Variants in DRC8 observed in about 807,000 individuals in gnomAD.
The protein encoded by DRC8 is dynein regulatory complex subunit 8.
the DRC8 span, among the ~76,000 whole-genome samples, chr1:245,012,900 T>C: frequency 1.3e-5 from 2 of 152,154 alleles, no homozygotes; most frequent in African/African-American, 2.4e-5. Context: ...AAGAGGCTAA[T>C]AGAGTGGCAA....
chr1:245,060,644 T>C, the DRC8 span, among the ~76,000 whole-genome samples: 1 of 152,030 alleles, frequency 6.6e-6, no homozygotes, highest in Non-Finnish European at 1.5e-5. Context: ...CTGGAATTAG[T>C]GTTAGGGAAA....
chr1:245,041,890 G>T, the DRC8 span, among the ~76,000 whole-genome samples: 1 of 152,146 alleles, frequency 6.6e-6, no homozygotes, highest in Non-Finnish European at 1.5e-5. Context: ...CCCAGAAGCA[G>T]CCGACCTGCT....
the DRC8 span, among the ~76,000 whole-genome samples, chr1:244,986,074 G>T: frequency 1.3e-5 from 2 of 151,406 alleles, no homozygotes; most frequent in Admixed American, 1.3e-4. Context: ...TTATGCCTCA[G>T]CCTCCCGAGT....
chr1:245,080,441 C>T, the DRC8 span, among the ~76,000 whole-genome samples: 2 of 152,160 alleles, frequency 1.3e-5, no homozygotes, highest in South Asian at 4.1e-4. Context: ...CATATAGGTA[C>T]TTAATACGTA....
At chr1:245,041,837 A>AG in the DRC8 span, among the ~76,000 whole-genome samples, 6 of 152,236 alleles carry the variant, frequency 3.9e-5, no homozygotes, top group Non-Finnish European at 8.8e-5. Context: ...TGACCAGGTG[A>AG]GGGCACAGGG....
chr1:245,100,199 A>T, the DRC8 span, among the ~76,000 whole-genome samples: 1 of 152,114 alleles, frequency 6.6e-6, no homozygotes, highest in African/African-American at 2.4e-5. Context: ...AGCCTGACCA[A>T]TATGGTGAAA....
At chr1:245,069,880 A>G in the DRC8 span, among the ~76,000 whole-genome samples, 13 of 151,900 alleles carry the variant, frequency 8.6e-5, no homozygotes, top group Admixed American at 2.0e-4. Flanking sequence ...TGTCTCTACA[A>G]AAAAATTTTT....
chr1:244,970,157 G>C, the DRC8 span: 2 of 685,920 alleles, frequency 2.9e-6, no homozygotes, highest in South Asian at 1.6e-5. Context: ...CTCCGGCCTC[G>C]GGTCTGGAGG....
At chr1:245,045,238 G>A in the DRC8 span, among the ~76,000 whole-genome samples, 3 of 151,866 alleles carry the variant, frequency 2.0e-5, no homozygotes, top group Non-Finnish European at 4.4e-5. Flanking sequence ...TTGAACTCCT[G>A]GACACAGGTG....
the DRC8 span, among the ~76,000 whole-genome samples, chr1:245,115,979 C>G: frequency 6.6e-6 from 1 of 151,606 alleles, no homozygotes; most frequent in Non-Finnish European, 1.5e-5. Flanking sequence ...CTCTGCCTCC[C>G]GGGTTCAAGC....
chr1:244,975,227 G>T, the DRC8 span, among the ~76,000 whole-genome samples: 1 of 152,114 alleles, frequency 6.6e-6, no homozygotes, highest in Non-Finnish European at 1.5e-5. Flanking sequence ...ACCACGCCTG[G>T]CTCGAACTCT....
the DRC8 span, among the ~76,000 whole-genome samples, chr1:245,029,103 G>A: frequency 3.3e-5 from 5 of 152,334 alleles, no homozygotes; most frequent in Admixed American, 1.3e-4. Flanking sequence ...AAGGGCATGG[G>A]GTCGGTCCTA....
chr1:245,002,307 C>T, the DRC8 span: 1 of 1,260,932 alleles, frequency 7.9e-7, no homozygotes, highest in East Asian at 2.5e-5. Flanking sequence ...GCCTTGCTTC[C>T]TTCCAGTTAA....
the DRC8 span, among the ~76,000 whole-genome samples, chr1:245,013,896 G>A: frequency 1.3e-5 from 2 of 151,902 alleles, no homozygotes; most frequent in African/African-American, 4.8e-5. Flanking sequence ...CTTGGCGGTA[G>A]TGGTGCACAC....
chr1:244,970,669 GCCCCGCCCCGCCTCTCTCCCC>G, the DRC8 span: 70 of 352,322 alleles, frequency 2.0e-4, no homozygotes, highest in East Asian at 1.2e-3. Flanking sequence ...TCTCTCCCCC[GCCCCGCCCCGCCTCTCTCCCC>G]TCTTCCCTCC....
chr1:245,017,579 T>C, the DRC8 span, among the ~76,000 whole-genome samples: 1 of 152,190 alleles, frequency 6.6e-6, no homozygotes, highest in African/African-American at 2.4e-5. Flanking sequence ...GTAAACTCTG[T>C]GACTGAGATG....
chr1:245,118,063 T>C, the DRC8 span, among the ~76,000 whole-genome samples: 2 of 152,154 alleles, frequency 1.3e-5, no homozygotes, highest in Admixed American at 1.3e-4. Context: ...TACCTGAGAA[T>C]TCCATTACTC....
At chr1:245,028,396 A>C in the DRC8 span, among the ~76,000 whole-genome samples, 2 of 152,210 alleles carry the variant, frequency 1.3e-5, no homozygotes, top group African/African-American at 4.8e-5. Flanking sequence ...ATTAGTGTGG[A>C]ACTTTTCAAA....
At chr1:245,057,747 G>A in the DRC8 span, among the ~76,000 whole-genome samples, 4 of 152,038 alleles carry the variant, frequency 2.6e-5, no homozygotes, top group Non-Finnish European at 4.4e-5. Context: ...ATCAAGTCAG[G>A]GCAATTGGGA....
Sources: gnomAD v4.1 joint callset for allele counts (sites outside exome capture counted in the v4.1 genomes callset) on GRCh38, gnomAD v4.1.1 for gene constraint, MANE v1.5 for transcripts, NCBI Gene and HGNC (gene_info 2026-07-23, HGNC 2026-07-21) for gene names.